Variants in CEACAM4 observed in about 807,000 individuals in gnomAD.
CEACAM4 encodes cell adhesion molecule CEACAM4.
CEACAM4 carries 30 observed loss-of-function variants against 28.7 expected under a neutral mutation model. The ratio of observed to expected loss-of-function variants is 1.05; its 90% CI spans 0.78 to 1.42. CEACAM4 has a LOEUF of 1.42. CEACAM4 is among the 40% of genes most tolerant of loss of function. The probability of loss-of-function intolerance (pLI) is 0.00; values close to 1 mark genes in which losing one functional copy is unlikely to be tolerated. For missense variants in CEACAM4, 330 were observed against 308.2 expected (o/e 1.07, Z -0.53); for synonymous variants, 143 against 126.5 (o/e 1.13, Z -0.87).
Position 41,619,685 on chromosome 19 carries a change from G to T in CEACAM4, c.654C>A (p.Ala218=), listed in dbSNP as rs782573486. 1.1e-5 allele frequency: 18 copies of T among 1,593,456 alleles called. No homozygotes were observed. The East Asian group carries it at 3.6e-4, about 32-fold the overall frequency. The change falls in exon 6 of 7, where the codon GCC becomes GCA. Residue 218 remains alanine (A), a synonymous_variant. Coordinates refer to ENST00000221954, the MANE Select transcript of CEACAM4 (RefSeq NM_001817.4). Reference sequence around the variant, plus strand: ...CCACACTCACCTCATAGATGGGAGTGGCTGTTCTGGGGCTGGGTAGAGGGG... The same window carrying T: ...CCACACTCACCTCATAGATGGGAGTTGCTGTTCTGGGGCTGGGTAGAGGGG... The part of the protein sequence containing the change: ...FSAPLPSPRT[A]TPIYEELLYS...
At chr19:41,615,310 G>A (rs982994681), downstream of CEACAM4, among the ~76,000 whole-genome samples, 1 of 151,916 alleles carries the variant, frequency 6.6e-6, no homozygotes, top group East Asian at 1.9e-4. Context: ...TGTCTGGGAG[G>A]GGGAGCTGGT....
At chr19:41,613,984 GT>G in the CEACAM4 span, among the ~76,000 whole-genome samples, 2 of 152,238 alleles carry the variant, frequency 1.3e-5, no homozygotes, top group Non-Finnish European at 2.9e-5. Context: ...CTGACTTCTA[GT>G]TTTTACAGCC....
At chr19:41,620,479 A>G in intron 4 of CEACAM4, 96 bp downstream of exon 4, 2 of 1,101,780 alleles carry the variant, frequency 1.8e-6, no homozygotes, top group Non-Finnish European at 2.6e-6. Flanking sequence ...TGCAGCCCCA[A>G]AGAAAGGGTC....
At chr19:41,614,508 G>A (rs559797502), downstream of CEACAM4, among the ~76,000 whole-genome samples, 1 of 152,264 alleles carries the variant, frequency 6.6e-6, no homozygotes, top group South Asian at 2.1e-4. Context: ...ACCTTTCTTG[G>A]CATAATTATT....
At chr19:41,623,419 ATT>A (rs57004828) in intron 2 of CEACAM4, among the ~76,000 whole-genome samples, 2,223 of 104,724 alleles carry the variant, frequency 0.021, 13 homozygotes, top group African/African-American at 0.03. Context: ...TTCGAACTGC[ATT>A]TTTTTTTTTT....
In CEACAM4 at chr19:41,625,613, G is replaced by C; in HGVS notation, c.412C>G (p.Leu138Val). ...SYDSDQATGQ[L>V]HVHQNNVPGL... ...GGGAATCACTCACGGTGTACGTGGA[G>C]CTGGCCAGTTGCTTGGTCAGAGTCG... is the stretch of plus-strand genomic sequence containing the variant. The change falls in exon 2 of 7, where the codon CTC becomes GTC. Residue 138 changes from leucine to valine, a missense_variant. By Grantham distance (32) the Leu-to-Val change is conservative. Transcript: ENST00000221954. 1.3e-6 allele frequency: 2 copies of C among 1,577,076 alleles called. No homozygotes were observed. The highest frequency in any genetic ancestry group is 1.7e-6 in the Non-Finnish European group (2 of 1,159,982).
intron 3 of CEACAM4, among the ~76,000 whole-genome samples, chr19:41,620,927 C>A (rs2122497285): frequency 6.6e-6 from 1 of 152,052 alleles, no homozygotes; most frequent in East Asian, 1.9e-4. Context: ...CCTGCGTTTG[C>A]CTGAGAGGAA....
downstream of CEACAM4, among the ~76,000 whole-genome samples, chr19:41,616,445 T>C (rs557475102): frequency 2.0e-5 from 3 of 152,262 alleles, no homozygotes. Flanking sequence ...TATGCAGTTT[T>C]GCCTAATAAA....
rs148761752 is a variant in CEACAM4, at chr19:41,621,734, G to T, written c.459C>A (p.Val153=). 1.2e-6 allele frequency: 2 copies of T among 1,612,774 alleles called. No individual in the cohort carries two copies. The highest frequency in any genetic ancestry group is 1.7e-4 in the Middle Eastern group (1 of 6,056). ...NNVPGLPVGA[V]AGIVTGVLVG... ...CCAGGACCCCAGTCACGATGCCAGC[G>T]ACGGCCCCCACAGGAAGGCCTGGGA... Residue 153 remains valine, a synonymous_variant, in exon 3 of 7, where the codon GTC becomes GTA. Transcript: ENST00000221954.
intron 3 of CEACAM4, 105 bp from the exon 4 acceptor site, chr19:41,620,732 G>C: frequency 1.1e-6 from 1 of 929,204 alleles, no homozygotes; most frequent in Non-Finnish European, 1.7e-6. Context: ...CTGGAGTGAA[G>C]GCCTCCTGTC....
chr19:41,620,789 T>C (rs2071231317), intron 3 of CEACAM4, among the ~76,000 whole-genome samples, 162 bp from the exon 4 acceptor site: 1 of 152,012 alleles, frequency 6.6e-6, no homozygotes, highest in Admixed American at 6.5e-5. Flanking sequence ...GAGCTGAGGA[T>C]AGGCCTTAAG....
chr19:41,617,246 T>C (rs1156238732), downstream of CEACAM4, among the ~76,000 whole-genome samples: 2 of 152,170 alleles, frequency 1.3e-5, no homozygotes, highest in African/African-American at 2.4e-5. Context: ...CAACTAAGCA[T>C]GTCACCAAGA....
Position 41,621,701 on chromosome 19 carries a change from C to T in CEACAM4, c.492G>A (p.Val164=). The T allele has an allele frequency of 1.9e-6, 3 of 1,613,290 alleles. No homozygotes were observed. Among genetic ancestry groups the T allele is most frequent in the Non-Finnish European group, 2.5e-6 (3 of 1,179,290 alleles). The change falls in exon 3 of 7, where the codon GTG becomes GTA. Residue 164 remains valine (V), a synonymous_variant. Transcript: ENST00000221954. ...AGIVTGVLVG[V]ALVAALVCFL... is the part of the protein sequence containing the mutation. ...AACACACCAGGGCGGCCACCAGAGC[C>T]ACCCCAACCAGGACCCCAGTCACGA...
At chr19:41,615,795 C>T (rs574855706), downstream of CEACAM4, among the ~76,000 whole-genome samples, 1 of 152,240 alleles carries the variant, frequency 6.6e-6, no homozygotes, top group South Asian at 2.1e-4. Context: ...CCATTGTACC[C>T]TGAGTGCTGT....
intron 2 of CEACAM4, among the ~76,000 whole-genome samples, chr19:41,625,214 C>T (rs2071556636): frequency 6.6e-6 from 1 of 152,216 alleles, no homozygotes; most frequent in African/African-American, 2.4e-5. Flanking sequence ...CTGACACAGG[C>T]TTCCCGGGGT....
chr19:41,620,838 C>T (rs930745236), intron 3 of CEACAM4, among the ~76,000 whole-genome samples: 1 of 152,010 alleles, frequency 6.6e-6, no homozygotes, highest in African/African-American at 2.4e-5. Flanking sequence ...AGGACCCCCC[C>T]AGGCAGATGC....
chr19:41,620,374 C>T (rs568177964), intron 4 of CEACAM4, 132 bp from the exon 5 acceptor site: 141 of 965,836 alleles, frequency 1.5e-4, no homozygotes, highest in Non-Finnish European at 2.0e-4. Context: ...ACCTGAGCAG[C>T]TGAGGTCGAG....
downstream of CEACAM4, among the ~76,000 whole-genome samples, chr19:41,616,994 C>T (rs901738856): frequency 7.2e-5 from 11 of 152,170 alleles, no homozygotes; most frequent in East Asian, 3.8e-4. Flanking sequence ...GCAAAGGTTT[C>T]GCAATTTATG....
At chr19:41,619,620 C>A (rs782301525) in intron 6 of CEACAM4, 50 bp downstream of exon 6, 6 of 1,572,696 alleles carry the variant, frequency 3.8e-6, no homozygotes, top group Non-Finnish European at 5.2e-6. Context: ...GGGGCAGATC[C>A]TGGGTCCCCT....
Sources: allele counts gnomAD v4.1 joint callset (sites outside exome capture counted in the v4.1 genomes callset), GRCh38; gene constraint gnomAD v4.1.1; transcripts MANE v1.5; gene names NCBI Gene and HGNC (gene_info 2026-07-23, HGNC 2026-07-21).